The following DPP6 variants were observed in gnomAD, a reference collection of about 807,000 sequenced individuals.
DPP6 encodes A-type potassium channel modulatory protein DPP6.
In DPP6, 69 loss-of-function variants were observed where a neutral mutation model predicts 122.6. The ratio of observed to expected loss-of-function variants is 0.56; its 90% confidence interval spans 0.46 to 0.69. DPP6 has a LOEUF of 0.69. Among genes scored for constraint, DPP6 ranks in the 30% least tolerant of loss-of-function variants. The pLI is 0.00. For synonymous variants in DPP6, 418 were observed against 433.1 expected, an observed-to-expected ratio of 0.97 and a Z score of 0.43; for missense variants, 928 against 1,116.9, an observed-to-expected ratio of 0.83 and a Z score of 2.41.
At chr7:154,751,263 A>C (rs899397372) in intron 8 of DPP6, among the ~76,000 whole-genome samples, 19 of 152,078 alleles carry the variant, frequency 1.2e-4, no homozygotes, top group African/African-American at 4.3e-4. Flanking sequence ...GGCTTCACCT[A>C]CTAAGCCCAA....
intron 1 of DPP6, among the ~76,000 whole-genome samples, chr7:154,147,845 A>G (rs1005343712): frequency 1.3e-5 from 2 of 152,070 alleles, no homozygotes; most frequent in Admixed American, 1.3e-4. Context: ...CACCTGGCCT[A>G]TTAATTTCTG....
chr7:154,501,894 C>G (rs1329726863), intron 3 of DPP6, among the ~76,000 whole-genome samples: 2 of 152,084 alleles, frequency 1.3e-5, no homozygotes, highest in Non-Finnish European at 1.5e-5. Flanking sequence ...ACACTCAAGG[C>G]CAGTCCATGA....
At chr7:153,834,303 A>G in the DPP6 span, among the ~76,000 whole-genome samples, 7 of 151,888 alleles carry the variant, frequency 4.6e-5, no homozygotes, top group East Asian at 1.4e-3. Context: ...AGTACATCCC[A>G]TCTCCTCCTA....
chr7:153,936,760 G>A (rs1013794752), intron 1 of DPP6, among the ~76,000 whole-genome samples: 45 of 151,980 alleles, frequency 3.0e-4, no homozygotes, highest in Admixed American at 8.5e-4. Context: ...GCAGTGAGCC[G>A]AGATCAAGCC....
chr7:154,642,237 T>C (rs191610782), intron 6 of DPP6, among the ~76,000 whole-genome samples: 1 of 152,144 alleles, frequency 6.6e-6, no homozygotes, highest in Admixed American at 6.6e-5. Flanking sequence ...TCTGGTTGTG[T>C]GACCTTGAGA....
At chr7:154,409,274 A>G (rs1356966433) in intron 1 of DPP6, among the ~76,000 whole-genome samples, 3 of 152,296 alleles carry the variant, frequency 2.0e-5, no homozygotes, top group South Asian at 4.1e-4. Context: ...TCCTTATAGG[A>G]AGAGATTAGG....
intron 1 of DPP6, among the ~76,000 whole-genome samples, chr7:153,933,171 G>A (rs1263070319): frequency 6.6e-6 from 1 of 152,124 alleles, no homozygotes; most frequent in Non-Finnish European, 1.5e-5. Context: ...TATGAAAATG[G>A]ACTAATACAC....
the DPP6 span, among the ~76,000 whole-genome samples, chr7:153,781,868 ATGT>A: frequency 5.3e-5 from 8 of 152,012 alleles, no homozygotes; most frequent in East Asian, 3.9e-4. Context: ...AATTTATGAG[ATGT>A]TGTTACTGTT....
the DPP6 span, among the ~76,000 whole-genome samples, chr7:153,831,397 A>G: frequency 6.6e-6 from 1 of 152,182 alleles, no homozygotes; most frequent in African/African-American, 2.4e-5. Flanking sequence ...TCTCAGAGGA[A>G]GGAAATTGAC....
At chr7:153,960,912 A>C (rs1043168062) in intron 1 of DPP6, among the ~76,000 whole-genome samples, 3 of 152,008 alleles carry the variant, frequency 2.0e-5, no homozygotes, top group Admixed American at 6.6e-5. Context: ...GTCCAAAGGG[A>C]GGACTGTTCT....
intron 18 of DPP6, among the ~76,000 whole-genome samples, chr7:154,869,980 TTG>T (rs1336783582): frequency 6.6e-5 from 10 of 151,452 alleles, no homozygotes; most frequent in Admixed American, 6.6e-4. Context: ...AAGAATAATT[TTG>T]TGTGTGTCTG....
At chr7:153,866,657 G>T in the DPP6 span, among the ~76,000 whole-genome samples, 1 of 152,092 alleles carries the variant, frequency 6.6e-6, no homozygotes, top group Non-Finnish European at 1.5e-5. Flanking sequence ...AGTTTAATTA[G>T]ATCCCATTTG....
At chr7:153,752,302 T>G in the DPP6 span, among the ~76,000 whole-genome samples, 4 of 148,694 alleles carry the variant, frequency 2.7e-5, no homozygotes, top group Non-Finnish European at 4.5e-5. Flanking sequence ...CAGGCTAGAG[T>G]GCAGTGGCAT....
At chr7:154,682,166 G>T (rs1394678706) in intron 7 of DPP6, among the ~76,000 whole-genome samples, 1 of 152,238 alleles carries the variant, frequency 6.6e-6, no homozygotes, top group Non-Finnish European at 1.5e-5. Context: ...CAGCAGTTCA[G>T]ATTCAGTTCA....
chr7:154,329,710 T>C (rs1274519762), intron 1 of DPP6, among the ~76,000 whole-genome samples: 1 of 152,238 alleles, frequency 6.6e-6, no homozygotes, highest in Non-Finnish European at 1.5e-5. Flanking sequence ...TAAATCATTC[T>C]ATAAGGACAC....
chr7:153,911,445 C>T (rs545220709), intron 1 of DPP6, among the ~76,000 whole-genome samples: 4 of 152,290 alleles, frequency 2.6e-5, no homozygotes, highest in Non-Finnish European at 5.9e-5. Flanking sequence ...GGGATCTTGT[C>T]TTGTCTTGTT....
chr7:154,739,442 G>A (rs1280520377), intron 8 of DPP6, among the ~76,000 whole-genome samples: 2 of 152,216 alleles, frequency 1.3e-5, no homozygotes, highest in Admixed American at 6.5e-5. Context: ...ATCTGGTTGG[G>A]ACACTGCTGT....
chr7:154,426,208 T>C (rs1237839684), intron 1 of DPP6, among the ~76,000 whole-genome samples: 1 of 152,190 alleles, frequency 6.6e-6, no homozygotes, highest in Non-Finnish European at 1.5e-5. Flanking sequence ...TGAATGTTAT[T>C]CAAGCCAGAA....
At chr7:154,434,176 TC>T (rs1414690124) in intron 1 of DPP6, among the ~76,000 whole-genome samples, 3 of 152,332 alleles carry the variant, frequency 2.0e-5, no homozygotes, top group Admixed American at 2.0e-4. Flanking sequence ...GCCCTCTTGT[TC>T]CTGGTATGTG....
Sources: gnomAD v4.1 joint callset for allele counts (sites outside exome capture counted in the v4.1 genomes callset) on GRCh38, gnomAD v4.1.1 for gene constraint, MANE v1.5 for transcripts, NCBI Gene and HGNC (gene_info 2026-07-23, HGNC 2026-07-21) for gene names.